FBXO11: variants seen among roughly 807,000 people sequenced by gnomAD.
FBXO11 encodes F-box only protein 11.
FBXO11 carries 13 observed loss-of-function variants against 117.0 expected under a neutral mutation model. The observed-to-expected ratio is 0.11, with a 90% CI of 0.07 to 0.18. The LOEUF is 0.18. Ranked by LOEUF, FBXO11 falls within the 10% of genes least tolerant of loss-of-function variation. The pLI, the probability that FBXO11 is intolerant of heterozygous loss-of-function variation, is 1.00. For synonymous variants in FBXO11, 490 were observed against 380.5 expected (o/e 1.29, Z -3.35); for missense variants, 767 against 1,164.4 (o/e 0.66, Z 4.97).
intron 1 of FBXO11, among the ~76,000 whole-genome samples, chr2:47,862,617 G>C (rs1207179473): frequency 6.6e-6 from 1 of 152,142 alleles, no homozygotes; most frequent in Non-Finnish European, 1.5e-5. Flanking sequence ...AAAAATGTAA[G>C]TGCAAATCTC....
intron 1 of FBXO11, among the ~76,000 whole-genome samples, chr2:47,873,165 G>C (rs1325617971): frequency 6.6e-6 from 1 of 152,204 alleles, no homozygotes. Flanking sequence ...TGTAAATCTA[G>C]ACGCTAGCAC....
chr2:47,883,816 G>T, intron 1 of FBXO11: 1 of 223,766 alleles, frequency 4.5e-6, no homozygotes, highest in Non-Finnish European at 9.3e-6. Flanking sequence ...GTGCCCTTCA[G>T]ATGAATGTGG....
chr2:47,831,173 T>C (rs1177202275), intron 11 of FBXO11, among the ~76,000 whole-genome samples: 1 of 151,644 alleles, frequency 6.6e-6, no homozygotes, highest in Non-Finnish European at 1.5e-5. Context: ...TCCCAGGACT[T>C]TGGGAGGCCG....
intron 11 of FBXO11, among the ~76,000 whole-genome samples, chr2:47,824,633 G>C (rs1356899077): frequency 6.6e-6 from 1 of 152,102 alleles, no homozygotes. Context: ...TAAATGAAAA[G>C]AACAAGTTTT....
Position 47,900,910 on chromosome 2 carries a change from A to ATACACGTATATATACACACACG in FBXO11, c.232+4578_232+4579insCGTGTGTGTATATATACGTGTA, listed in dbSNP as rs1553362468. On this transcript the variant is annotated intron_variant, in intron 1 of 22. Coordinates refer to ENST00000403359, the MANE Select transcript of FBXO11 (RefSeq NM_001190274.2). ...TACACGTATATATACACACATATATATGTATATATATACACGTATTTATGG... is the reference window on the plus strand; with the variant it reads ...TACACGTATATATACACACATATATATACACGTATATATACACACACGTGTATATATATACACGTATTTATGG... Among the ~76,000 whole-genome samples, 8 of 143,714 alleles carry ATACACGTATATATACACACACG rather than the reference A, an allele frequency of 5.6e-5. 1 individual carries two copies. Among genetic ancestry groups the ATACACGTATATATACACACACG allele is most frequent in the Non-Finnish European group, 1.1e-4 (7 of 65,018 alleles). 94.3% of individuals were successfully genotyped at this position (143,714 alleles called of 152,430 possible).
chr2:47,895,300 A>C (rs1311539139), intron 1 of FBXO11, among the ~76,000 whole-genome samples: 1 of 152,236 alleles, frequency 6.6e-6, no homozygotes, highest in East Asian at 1.9e-4. Context: ...CATACAATGT[A>C]ATACTAAACA....
At chr2:47,847,856 T>G (rs557233962) in intron 1 of FBXO11, among the ~76,000 whole-genome samples, 3 of 150,516 alleles carry the variant, frequency 2.0e-5, no homozygotes. Flanking sequence ...CCAGGCACAG[T>G]GCTCATGCCT....
intron 17 of FBXO11, 107 bp downstream of exon 17, chr2:47,813,684 C>T (rs1438063103): frequency 2.9e-5 from 25 of 848,880 alleles, no homozygotes; most frequent in Admixed American, 2.2e-4. Context: ...CCACCCATCT[C>T]GGCCTCCCAA....
At chr2:47,869,784 C>T (rs185416742) in intron 1 of FBXO11, among the ~76,000 whole-genome samples, 46 of 152,316 alleles carry the variant, frequency 3.0e-4, no homozygotes, top group African/African-American at 1.1e-3. Flanking sequence ...AGGGTTAGTA[C>T]ACTTTTGGTC....
chr2:47,898,968 A>G (rs1231007851), intron 1 of FBXO11, among the ~76,000 whole-genome samples: 1 of 152,044 alleles, frequency 6.6e-6, no homozygotes, highest in Non-Finnish European at 1.5e-5. Context: ...AAGTAATAAA[A>G]TCTCTTACAG....
chr2:47,832,006 T>C (rs964200577), intron 11 of FBXO11, among the ~76,000 whole-genome samples: 7 of 152,182 alleles, frequency 4.6e-5, no homozygotes, highest in African/African-American at 1.7e-4. Context: ...CTTGGAAATT[T>C]TGATTTATTA....
chr2:47,851,950 A>G (rs1368842623), intron 1 of FBXO11, among the ~76,000 whole-genome samples: 10 of 151,800 alleles, frequency 6.6e-5, no homozygotes, highest in Non-Finnish European at 1.5e-5. Flanking sequence ...TATCTTGGGC[A>G]GGGGCCATGC....
intron 18 of FBXO11, chr2:47,812,755 C>A: frequency 5.1e-6 from 1 of 196,050 alleles, no homozygotes. Context: ...GGAACTTTTG[C>A]CTCAATGCAA....
intron 1 of FBXO11, among the ~76,000 whole-genome samples, chr2:47,895,864 T>C (rs1007896756): frequency 2.0e-5 from 3 of 152,080 alleles, no homozygotes; most frequent in Admixed American, 2.0e-4. Flanking sequence ...AGCTAGCCAA[T>C]TTCTGTATTT....
chr2:47,860,497 G>C (rs898267313), intron 1 of FBXO11, among the ~76,000 whole-genome samples: 1 of 148,076 alleles, frequency 6.8e-6, no homozygotes, highest in Non-Finnish European at 1.5e-5. Flanking sequence ...TGAAACCTCC[G>C]CCTCCCAGGT....
At chr2:47,895,682 C>T (rs1677603786) in intron 1 of FBXO11, among the ~76,000 whole-genome samples, 1 of 152,134 alleles carries the variant, frequency 6.6e-6, no homozygotes, top group African/African-American at 2.4e-5. Flanking sequence ...ATTTAAATAA[C>T]TATATAGTTT....
At chr2:47,821,215 TA>T (rs1671354046) in intron 13 of FBXO11, among the ~76,000 whole-genome samples, 1 of 152,214 alleles carries the variant, frequency 6.6e-6, no homozygotes, top group African/African-American at 2.4e-5. Flanking sequence ...CTCATACCTG[TA>T]ATCCCAGCAA....
intron 16 of FBXO11, among the ~76,000 whole-genome samples, chr2:47,817,810 C>T (rs920697491): frequency 6.6e-6 from 1 of 152,198 alleles, no homozygotes; most frequent in African/African-American, 2.4e-5. Flanking sequence ...TTATCTTGGG[C>T]GCAGTTAATG....
intron 1 of FBXO11, among the ~76,000 whole-genome samples, chr2:47,899,067 G>T (rs899915619): frequency 6.6e-6 from 1 of 152,070 alleles, no homozygotes; most frequent in African/African-American, 2.4e-5. Flanking sequence ...GAGGTCAGGA[G>T]ATCGAGACCA....
Sources: gnomAD v4.1 joint callset for allele counts (sites outside exome capture counted in the v4.1 genomes callset) on GRCh38, gnomAD v4.1.1 for gene constraint, MANE v1.5 for transcripts, NCBI Gene and HGNC (gene_info 2026-07-23, HGNC 2026-07-21) for gene names.